The following SEMA3A variants were observed in gnomAD, a reference collection of about 807,000 sequenced individuals.
SEMA3A encodes semaphorin-3A.
Under a neutral mutation model 97.9 loss-of-function variants are expected in SEMA3A, and 29 were observed. The ratio of observed to expected loss-of-function variants is 0.30; its 90% confidence interval spans 0.22 to 0.40. SEMA3A has a LOEUF of 0.40. SEMA3A is among the 10% of genes least tolerant of loss of function. The pLI, the probability that SEMA3A is intolerant of heterozygous loss-of-function variation, is 1.00. For synonymous variants in SEMA3A, 321 were observed against 323.7 expected (o/e 0.99, Z 0.09); for missense variants, 763 against 951.3 (o/e 0.80, Z 2.60).
chr7:84,016,287 C>T (rs150067434), intron 6 of SEMA3A, among the ~76,000 whole-genome samples: 1 of 152,134 alleles, frequency 6.6e-6, no homozygotes, highest in East Asian at 1.9e-4. Flanking sequence ...CGCCTGTAAT[C>T]CCTGCACTTT....
chr7:84,423,486 T>C (rs1804656215), intron 1 of SEMA3A, among the ~76,000 whole-genome samples: 1 of 152,100 alleles, frequency 6.6e-6, no homozygotes, highest in Non-Finnish European at 1.5e-5. Context: ...CAAAGAGGTC[T>C]TCTGTGGTCA....
At chr7:84,458,273 A>G (rs1424654577) in intron 1 of SEMA3A, among the ~76,000 whole-genome samples, 1 of 152,044 alleles carries the variant, frequency 6.6e-6, no homozygotes, top group African/African-American at 2.4e-5. Context: ...AAAAGAATAC[A>G]TCTTATCTGT....
chr7:84,196,861 T>C (rs1192478329), upstream of SEMA3A, among the ~76,000 whole-genome samples: 5 of 152,134 alleles, frequency 3.3e-5, no homozygotes, highest in Non-Finnish European at 5.9e-5. Context: ...TTTATATGTC[T>C]TAAAATATAT....
intron 4 of SEMA3A, among the ~76,000 whole-genome samples, chr7:84,084,101 A>G (rs1794251678): frequency 6.6e-6 from 1 of 152,060 alleles, no homozygotes; most frequent in Non-Finnish European, 1.5e-5. Context: ...TAATCATTTC[A>G]ATGCAATTTC....
rs533826994 is a variant in SEMA3A, at chr7:84,398,640, ATAATTTTTTTTGTTT to A, written c.-245-26755_-245-26741del. On this transcript the variant is annotated intron_variant, in intron 1 of 3. Transcript: ENST00000424555. ...CAGCATAGCAAAACTCTGTCTCTAT[ATAATTTTTTTTGTTT>A]TAATTAGCCAAACCTGGTGGCATGT... Among the ~76,000 whole-genome samples, 558 of 151,612 alleles carry A rather than the reference ATAATTTTTTTTGTTT, an allele frequency of 3.7e-3. 2 individuals are homozygous for A. The highest frequency in any genetic ancestry group is 0.033 in the East Asian group (162 of 4,926).
At chr7:84,092,683 C>T (rs1211808132) in intron 4 of SEMA3A, among the ~76,000 whole-genome samples, 4 of 151,986 alleles carry the variant, frequency 2.6e-5, no homozygotes, top group Admixed American at 6.6e-5. Context: ...CTAGCAAATT[C>T]CAGTATTAGC....
intron 6 of SEMA3A, among the ~76,000 whole-genome samples, chr7:84,026,591 AACC>A (rs1347542947): frequency 6.6e-6 from 1 of 152,182 alleles, no homozygotes; most frequent in East Asian, 1.9e-4. Context: ...ACATGGAATC[AACC>A]TAAATGCCCA....
At chr7:84,131,100 G>T (rs1398852160) in intron 2 of SEMA3A, among the ~76,000 whole-genome samples, 1 of 151,634 alleles carries the variant, frequency 6.6e-6, no homozygotes, top group Non-Finnish European at 1.5e-5. Context: ...GAGTTCCAGG[G>T]TTAATAATAA....
intron 1 of SEMA3A, among the ~76,000 whole-genome samples, chr7:84,479,455 C>T (rs1806387072): frequency 6.6e-6 from 1 of 152,144 alleles, no homozygotes. Flanking sequence ...TTTGTCAAGG[C>T]TGTGTTGCAC....
At chr7:84,423,850 A>G (rs897448344) in intron 1 of SEMA3A, among the ~76,000 whole-genome samples, 1 of 152,034 alleles carries the variant, frequency 6.6e-6, no homozygotes, top group Admixed American at 6.6e-5. Flanking sequence ...AATGACATAA[A>G]TAGACATTTC....
At chr7:84,273,273 A>G (rs1800199519) in intron 3 of SEMA3A, among the ~76,000 whole-genome samples, 1 of 152,126 alleles carries the variant, frequency 6.6e-6, no homozygotes, top group South Asian at 2.1e-4. Flanking sequence ...TGCTAGGAAT[A>G]GAAATATATC....
chr7:84,077,610 G>A (rs182594959), intron 4 of SEMA3A, among the ~76,000 whole-genome samples: 8 of 151,952 alleles, frequency 5.3e-5, no homozygotes, highest in Admixed American at 4.6e-4. Context: ...TCATTCAAGC[G>A]CTGTCATAAT....
chr7:84,043,743 C>T (rs1037632935), intron 6 of SEMA3A, among the ~76,000 whole-genome samples: 1 of 151,994 alleles, frequency 6.6e-6, no homozygotes, highest in Admixed American at 6.6e-5. Context: ...GTTTTTTGCA[C>T]CCTGTCAGAT....
intron 4 of SEMA3A, among the ~76,000 whole-genome samples, chr7:84,061,926 T>G (rs1202866999): frequency 6.6e-6 from 1 of 152,184 alleles, no homozygotes. Context: ...TTTCACAGAA[T>G]TGTACTAAGT....
At chr7:84,049,935 A>G (rs1463202846) in intron 5 of SEMA3A, among the ~76,000 whole-genome samples, 3 of 143,014 alleles carry the variant, frequency 2.1e-5, no homozygotes, top group African/African-American at 5.2e-5. Flanking sequence ...TCATTGTTCA[A>G]TTCCCACCTA....
chr7:84,217,350 A>C (rs1798774416), intron 3 of SEMA3A, among the ~76,000 whole-genome samples: 1 of 152,218 alleles, frequency 6.6e-6, no homozygotes, highest in African/African-American at 2.4e-5. Flanking sequence ...AGATATGTTG[A>C]TGATGCATTG....
At chr7:84,007,523 C>CAGA in intron 9 of SEMA3A, 26 bp from the exon 10 acceptor site, 2 of 1,490,310 alleles carry the variant, frequency 1.3e-6, no homozygotes, top group Non-Finnish European at 1.8e-6. Context: ...AGAATAAAAA[C>CAGA]AGAAGTTCAT....
chr7:84,429,550 C>T (rs201307531), intron 1 of SEMA3A, among the ~76,000 whole-genome samples: 3 of 58,618 alleles, frequency 5.1e-5, no homozygotes, highest in Non-Finnish European at 9.3e-5. Context: ...ATATATATAG[C>T]GAGAGAGAGA....
At chr7:84,473,272 T>C (rs1398783985) in intron 1 of SEMA3A, among the ~76,000 whole-genome samples, 1 of 151,156 alleles carries the variant, frequency 6.6e-6, no homozygotes, top group Non-Finnish European at 1.5e-5. Context: ...TTATTCTCTA[T>C]AACTATAACT....
Sources: gnomAD v4.1 joint callset for allele counts (sites outside exome capture counted in the v4.1 genomes callset) on GRCh38, gnomAD v4.1.1 for gene constraint, MANE v1.5 for transcripts, NCBI Gene and HGNC (gene_info 2026-07-23, HGNC 2026-07-21) for gene names.